SLC4A5: variants seen among roughly 807,000 people sequenced by gnomAD.
SLC4A5 encodes the protein electrogenic sodium bicarbonate cotransporter 4.
SLC4A5 carries 96 observed loss-of-function variants against 120.4 expected under a neutral mutation model. The ratio of observed to expected loss-of-function variants is 0.80; its 90% confidence interval spans 0.68 to 0.94. The LOEUF (loss-of-function observed/expected upper bound fraction) is 0.94, where lower values mean the gene tolerates loss of function less well. SLC4A5 is among the 40% of genes least tolerant of loss of function. SLC4A5 has a pLI of 0.00. For missense variants in SLC4A5, 1,259 were observed against 1,459.5 expected, an observed-to-expected ratio of 0.86 and a Z score of 2.24; for synonymous variants, 550 against 571.1, an observed-to-expected ratio of 0.96 and a Z score of 0.53.
chr2:74,284,011 A>T (rs1017463841), intron 8 of SLC4A5, among the ~76,000 whole-genome samples: 17 of 150,958 alleles, frequency 1.1e-4, no homozygotes, highest in African/African-American at 4.1e-4. Flanking sequence ...CTAATTTTCT[A>T]TTTTTATTTT....
intron 17 of SLC4A5, among the ~76,000 whole-genome samples, chr2:74,249,394 G>T (rs975676600): frequency 6.6e-5 from 10 of 152,190 alleles, no homozygotes; most frequent in African/African-American, 1.2e-4. Flanking sequence ...AGAGGGAATA[G>T]TGTCTAAAAG....
At chr2:74,289,767 C>T (rs1672099574) in intron 7 of SLC4A5, among the ~76,000 whole-genome samples, 1 of 152,068 alleles carries the variant, frequency 6.6e-6, no homozygotes, top group African/African-American at 2.4e-5. Context: ...ACTGTGACTG[C>T]TTGATTCTGA....
At chr2:74,327,131 G>T (rs1410515198) in intron 5 of SLC4A5, among the ~76,000 whole-genome samples, 1 of 152,206 alleles carries the variant, frequency 6.6e-6, no homozygotes, top group African/African-American at 2.4e-5. Flanking sequence ...GGGAAGAAGA[G>T]TAAAGCATAG....
Position 74,252,973 on chromosome 2 carries a change from C to A in SLC4A5, c.1268+1G>T, listed in dbSNP as rs1171261527. 1 of 1,614,144 alleles carries A rather than the reference C, an allele frequency of 6.2e-7. No individual in the cohort carries two copies. Among genetic ancestry groups the A allele is most frequent in the Non-Finnish European group, 8.5e-7 (1 of 1,180,020 alleles). On this transcript the variant is annotated splice_donor_variant, in intron 15 of 30. Coordinates refer to ENST00000394019, the Ensembl canonical transcript of SLC4A5. LOFTEE classifies it high-confidence loss of function. ...TCCCTACTGCCCATTCTCATACACA[C>A]CTCTTGTCAGCAGAGGGCACCTTCT... is the stretch of plus-strand genomic sequence containing the variant.
chr2:74,307,407 A>G, intron 6 of SLC4A5: 3 of 639,696 alleles, frequency 4.7e-6, no homozygotes, highest in Non-Finnish European at 8.7e-6. Context: ...GAGAGCCTCG[A>G]TCTCTGTCTC....
At chr2:74,219,534 T>C (rs2103859213) in intron 30 of SLC4A5, among the ~76,000 whole-genome samples, 1 of 152,290 alleles carries the variant, frequency 6.6e-6, no homozygotes, top group East Asian at 1.9e-4. Context: ...GATCTTTGCC[T>C]CCATCTGTTT....
chr2:74,264,093 G>C, intron 10 of SLC4A5, 54 bp downstream of exon 10: 1 of 1,573,584 alleles, frequency 6.4e-7, no homozygotes, highest in Non-Finnish European at 8.6e-7. Flanking sequence ...CGGGTACCAG[G>C]GCCTGATACT....
chr2:74,262,708 A>G (rs888012581), intron 10 of SLC4A5, among the ~76,000 whole-genome samples: 9 of 152,198 alleles, frequency 5.9e-5, no homozygotes, highest in African/African-American at 2.2e-4. Flanking sequence ...CAAAAAAAAA[A>G]AAAAGAACAA....
intron 17 of SLC4A5, 22 bp from the exon 18 acceptor site, chr2:74,248,508 G>T: frequency 6.2e-7 from 1 of 1,613,228 alleles, no homozygotes; most frequent in African/African-American, 1.3e-5. Flanking sequence ...AGGAATGTGT[G>T]GTTCAGCATA....
intron 6 of SLC4A5, 21 bp downstream of exon 6, chr2:74,314,924 A>G: frequency 6.8e-6 from 11 of 1,608,506 alleles, no homozygotes; most frequent in Non-Finnish European, 9.4e-6. Context: ...GATTTGCATC[A>G]AGTCCTCAAA....
At chr2:74,268,032 T>G (rs574015179) in intron 8 of SLC4A5, among the ~76,000 whole-genome samples, 2 of 151,978 alleles carry the variant, frequency 1.3e-5, no homozygotes, top group African/African-American at 4.8e-5. Flanking sequence ...AGCAACACTA[T>G]TAGGTTTTGA....
chr2:74,313,982 G>A (rs1672887187), intron 6 of SLC4A5, among the ~76,000 whole-genome samples: 1 of 152,108 alleles, frequency 6.6e-6, no homozygotes, highest in South Asian at 2.1e-4. Flanking sequence ...TGTAATGTGG[G>A]AATGAAAATC....
chr2:74,315,657 G>A (rs1163321326), intron 5 of SLC4A5, among the ~76,000 whole-genome samples: 2 of 150,838 alleles, frequency 1.3e-5, no homozygotes, highest in Admixed American at 6.6e-5. Flanking sequence ...TGCGCCAGGT[G>A]TGATGGTGTG....
exon 28 of SLC4A5, chr2:74,224,912 T>C (rs775653246): frequency 1.9e-6 from 3 of 1,614,154 alleles, no homozygotes; most frequent in East Asian, 2.2e-5. Context: ...TTTCCTTCTC[T>C]GGGAGGATGT....
At chr2:74,254,356 C>T (rs1024349075) in intron 14 of SLC4A5, among the ~76,000 whole-genome samples, 4 of 152,310 alleles carry the variant, frequency 2.6e-5, no homozygotes, top group Middle Eastern at 3.4e-3. Context: ...TTTAAAGCCC[C>T]CTCATCTGTG....
intron 7 of SLC4A5, among the ~76,000 whole-genome samples, chr2:74,293,095 G>A (rs1051471502): frequency 9.9e-5 from 15 of 152,166 alleles, no homozygotes; most frequent in East Asian, 7.8e-4. Context: ...GGGGGGATTC[G>A]GGTGACTCCA....
rs142407394 is a variant in SLC4A5, at chr2:74,338,685, G to T, written c.-221+170C>A. ...AAAATACAAAAGTCAGCCAGGTGTA[G>T]TGGCTGTAGTCCCAGCTACTTGGGA... On this transcript the variant is annotated intron_variant, in intron 3 of 30. Coordinates refer to ENST00000394019, the Ensembl canonical transcript of SLC4A5. Among the ~76,000 whole-genome samples the T allele has an allele frequency of 3.3e-4, 51 of 152,280 alleles. 1 individual carries two copies. Among genetic ancestry groups the T allele is most frequent in the African/African-American group, 1.1e-3 (47 of 41,564 alleles).
chr2:74,307,361 C>T (rs1672675812), intron 6 of SLC4A5: 1 of 607,738 alleles, frequency 1.6e-6, no homozygotes, highest in Non-Finnish European at 3.1e-6. Context: ...CTTTTACTTC[C>T]TCTTCGTGGT....
chr2:74,224,937 A>T (rs767523679), exon 28 of SLC4A5: 1 of 1,613,928 alleles, frequency 6.2e-7, no homozygotes, highest in Admixed American at 1.7e-5. Flanking sequence ...AATCCAGGCC[A>T]GGTCGTGCTG....
Sources: gnomAD v4.1 joint callset for allele counts (sites outside exome capture counted in the v4.1 genomes callset) on GRCh38, gnomAD v4.1.1 for gene constraint, MANE v1.5 for transcripts, NCBI Gene and HGNC (gene_info 2026-07-23, HGNC 2026-07-21) for gene names.